The following GCC2 variants were observed in gnomAD, a reference collection of about 807,000 sequenced individuals.
The protein encoded by GCC2 is GRIP and coiled-coil domain containing 2, also known as GRIP and coiled-coil domain-containing protein 2.
In GCC2, 120 loss-of-function variants were observed where a neutral mutation model predicts 210.6. The ratio of observed to expected loss-of-function variants is 0.57; its 90% confidence interval spans 0.49 to 0.66. GCC2 has a LOEUF of 0.66. Among genes scored for constraint, GCC2 ranks in the 30% least tolerant of loss-of-function variants. GCC2 has a pLI of 0.00. For synonymous variants in GCC2, 703 were observed against 652.7 expected (o/e 1.08, Z -1.17); for missense variants, 1,868 against 1,871.9 (o/e 1.00, Z 0.04).
At chr2:108,489,721 C>T (rs1682315130) in intron 17 of GCC2, 117 bp from the exon 18 acceptor site, 7 of 562,764 alleles carry the variant, frequency 1.2e-5, no homozygotes, top group Admixed American at 3.6e-5. Flanking sequence ...ATTATATTTC[C>T]TTTAGAATCA....
chr2:108,455,210 C>T (rs1357818677), intron 4 of GCC2, among the ~76,000 whole-genome samples: 5 of 152,082 alleles, frequency 3.3e-5, no homozygotes, highest in Admixed American at 2.0e-4. Context: ...GAGGCTGAGG[C>T]GGACAGATCA....
intron 4 of GCC2, among the ~76,000 whole-genome samples, chr2:108,466,422 T>G (rs988665390): frequency 6.6e-6 from 1 of 152,146 alleles, no homozygotes; most frequent in Non-Finnish European, 1.5e-5. Context: ...GTTATTTTTG[T>G]TGTTTGTGTG....
intron 22 of GCC2, among the ~76,000 whole-genome samples, chr2:108,500,826 AC>A (rs768772234): frequency 1.3e-3 from 203 of 152,274 alleles, no homozygotes; most frequent in Non-Finnish European, 2.4e-3. Context: ...CTTAAATCCC[AC>A]ACATCATTTC....
intron 7 of GCC2, chr2:108,474,921 CAG>C (rs1244554301): frequency 6.6e-6 from 1 of 152,166 alleles, no homozygotes; most frequent in Non-Finnish European, 1.5e-5. Flanking sequence ...GCTCCGCACA[CAG>C]ACACTTCACT....
chr2:108,476,054 C>CTTTTTTTTTTTT (rs56236751), intron 9 of GCC2, among the ~76,000 whole-genome samples: 76 of 96,308 alleles, frequency 7.9e-4, no homozygotes, highest in Middle Eastern at 6.6e-3. Context: ...TAGTGGCTTG[C>CTTTTTTTTTTTT]TTTTTTTTTT....
At position 108,452,442 on chromosome 2, in the gene GCC2, T is replaced by C. The variant is rs1553434715; in HGVS notation, c.192T>C (p.Thr64=). Residue 64 remains threonine, a synonymous_variant, in exon 4 of 23, where the codon ACT becomes ACC. Transcript: ENST00000309863. Reference sequence around the variant, plus strand: ...AAGAACTCAGATCAAAACCTGTTACTGAAGGAACTGGTGATATTATTAAGG... The same window carrying C: ...AAGAACTCAGATCAAAACCTGTTACCGAAGGAACTGGTGATATTATTAAGG... ...EIEELRSKPV[T]EGTGDIIKAL... 1.9e-6 allele frequency: 3 copies of C among 1,557,836 alleles called. No individual in the cohort carries two copies. The highest frequency in any genetic ancestry group is 2.2e-5 in the South Asian group (2 of 89,798).
chr2:108,487,152 A>T (rs998212656), intron 16 of GCC2, among the ~76,000 whole-genome samples: 3 of 152,232 alleles, frequency 2.0e-5, no homozygotes, highest in Admixed American at 6.5e-5. Context: ...CCCTGTTTTG[A>T]AAACTGAAGT....
At chr2:108,502,401 A>G (rs1164254142) in intron 22 of GCC2, among the ~76,000 whole-genome samples, 2 of 152,194 alleles carry the variant, frequency 1.3e-5, no homozygotes, top group Non-Finnish European at 2.9e-5. Context: ...TACCAAGAAC[A>G]GATATTTTTA....
At chr2:108,505,122 C>T (rs539675940) in intron 22 of GCC2, among the ~76,000 whole-genome samples, 6 of 152,222 alleles carry the variant, frequency 3.9e-5, no homozygotes, top group Non-Finnish European at 8.8e-5. Context: ...ATTGTTTGCA[C>T]AAGGGCAGGG....
At chr2:108,467,313 A>G (rs1237209530) in intron 4 of GCC2, among the ~76,000 whole-genome samples, 1 of 152,178 alleles carries the variant, frequency 6.6e-6, no homozygotes, top group African/African-American at 2.4e-5. Context: ...TTTTCTAAAT[A>G]TTTGCTACTA....
Position 108,452,898 on chromosome 2 carries a change from T to C in GCC2, c.216+432T>C, listed in dbSNP as rs138945077. ...AAGTAGAGACGGGATTTCACCATGT[T>C]GGCCAAGATGGTCTTGCTCTCTTGA... On this transcript the variant is annotated intron_variant, in intron 4 of 22. Coordinates refer to ENST00000309863, the MANE Select transcript of GCC2 (RefSeq NM_181453.4). 5.4e-3 allele frequency among the ~76,000 whole-genome samples: 822 copies of C among 152,240 alleles called. 8 individuals carry two copies. The highest frequency in any genetic ancestry group is 0.019 in the African/African-American group (785 of 41,546).
intron 4 of GCC2, among the ~76,000 whole-genome samples, chr2:108,459,069 C>G (rs1236152545): frequency 5.9e-5 from 9 of 152,026 alleles, no homozygotes; most frequent in Non-Finnish European, 1.5e-5. Context: ...ACTTAGTATT[C>G]ATGTCCTGCT....
chr2:108,481,894 A>T (rs951243639), intron 10 of GCC2, 78 bp downstream of exon 10: 8 of 1,109,136 alleles, frequency 7.2e-6, no homozygotes, highest in African/African-American at 6.4e-5. Context: ...TAAAAAATTT[A>T]AAAAATATAG....
Position 108,449,210 on chromosome 2 carries a change from G to A in GCC2, c.-65G>A. On this transcript the variant is annotated 5_prime_UTR_variant, in exon 1 of 23. Transcript: ENST00000309863. ...ACCTGCAGTAGAGCCTACGTCAGAG[G>A]CTGGCGCAAACAGAAGTGCAGCGGT... The A allele has an allele frequency of 4.6e-6, 7 of 1,522,062 alleles. No homozygotes were observed. Among genetic ancestry groups the A allele is most frequent in the South Asian group, 2.4e-5 (2 of 82,698 alleles). The allele number at this position is 1,522,062 out of a possible 1,614,324, so 94.3% of individuals were successfully genotyped here.
In GCC2 at chr2:108,472,878, A is replaced by G; in HGVS notation, c.2839A>G (p.Lys947Glu). 2 of 1,588,868 alleles carry G rather than the reference A, an allele frequency of 1.3e-6. No homozygotes were observed. The highest frequency in any genetic ancestry group is 3.4e-5 in the Admixed American group (2 of 58,430). Reference sequence around the variant, plus strand: ...AAAAAATGATCCTCTGTCTTCAGTAAAAGAGTTGGAAGAAAAAATAGGTAA... The same window carrying G: ...AAAAAATGATCCTCTGTCTTCAGTAGAAGAGTTGGAAGAAAAAATAGGTAA... ...SVKNDPLSSV[K>E]ELEEKIENLE... Residue 947 changes from lysine to glutamate, a missense_variant, in exon 7 of 23, where the codon AAA becomes GAA. Physicochemically the swap from Lys to Glu is moderately conservative, Grantham distance 56. Transcript: ENST00000309863.
chr2:108,470,439 A>C lies in GCC2; in HGVS notation c.1110A>C (p.Gln370His), dbSNP rs746008880. ...NLKLKLEMDA[Q>H]HIKDEFFHER... ...AGTTAAAACTTGAAATGGATGCTCA[A>C]CATATAAAGGATGAGTTTTTTCATG... Residue 370 changes from glutamine (Q) to histidine (H), a missense_variant, in exon 6 of 23, where the codon CAA becomes CAC. Around this residue, in one of 3 missense-constraint regions of GCC2, gnomAD observed 1,847 missense variants for 1,765.2 expected, o/e 1.05. Transcript: ENST00000309863. 6.2e-7 allele frequency: 1 copy of C among 1,606,286 alleles called. No homozygotes were observed. The highest frequency in any genetic ancestry group is 2.2e-5 in the East Asian group (1 of 44,754).
Position 108,495,385 on chromosome 2 carries a change from G to A in GCC2, c.4542G>A (p.Glu1514=). The A allele has an allele frequency of 6.3e-7, 1 of 1,577,042 alleles. No individual in the cohort carries two copies. Among genetic ancestry groups the A allele is most frequent in the Middle Eastern group, 2.3e-4 (1 of 4,396 alleles). ...LLDMHTVTRE[E]GEGMETTDTE... is the part of the protein sequence containing the mutation. ...ACATGCACACTGTAACCCGGGAAGA[G>A]GGAGAAGGCATGGAGACAACTGATA... The change falls in exon 20 of 23, where the codon GAG becomes GAA. Residue 1514 remains glutamate, a synonymous_variant. Transcript: ENST00000309863.
chr2:108,495,551 T>C, intron 20 of GCC2, 66 bp downstream of exon 20: 1 of 1,136,226 alleles, frequency 8.8e-7, no homozygotes. Context: ...TTACTATTAC[T>C]CTAAGTTACA....
intron 21 of GCC2, among the ~76,000 whole-genome samples, chr2:108,497,441 A>G (rs996722844): frequency 2.0e-5 from 3 of 152,224 alleles, no homozygotes; most frequent in African/African-American, 7.2e-5. Flanking sequence ...CACCTATTAC[A>G]TAAAGATTAT....
Sources: allele counts gnomAD v4.1 joint callset (sites outside exome capture counted in the v4.1 genomes callset), GRCh38; gene constraint gnomAD v4.1.1; regional missense constraint gnomAD v4.1.1; transcripts MANE v1.5; gene names NCBI Gene and HGNC (gene_info 2026-07-23, HGNC 2026-07-21).